The following TTLL5 variants were observed in gnomAD, a reference collection of about 807,000 sequenced individuals.
The protein encoded by TTLL5 is tubulin polyglutamylase TTLL5.
In TTLL5, 132 loss-of-function variants were observed where a neutral mutation model predicts 168.4. The ratio of observed to expected loss-of-function variants is 0.78; its 90% CI spans 0.68 to 0.91. The LOEUF (loss-of-function observed/expected upper bound fraction) is 0.91, where lower values mean the gene tolerates loss of function less well. TTLL5 is among the 40% of genes least tolerant of loss of function. The pLI, the probability that TTLL5 is intolerant of heterozygous loss-of-function variation, is 0.00. For synonymous variants in TTLL5, 546 were observed against 558.6 expected, an observed-to-expected ratio of 0.98 and a Z score of 0.32; for missense variants, 1,545 against 1,581.5, an observed-to-expected ratio of 0.98 and a Z score of 0.39.
chr14:75,754,570 A>G (rs1471085688), intron 18 of TTLL5, among the ~76,000 whole-genome samples: 1 of 152,218 alleles, frequency 6.6e-6, no homozygotes, highest in African/African-American at 2.4e-5. Context: ...GGACCACTGC[A>G]TTAGCCAAAA....
At chr14:75,829,380 T>C (rs1046382012) in intron 28 of TTLL5, among the ~76,000 whole-genome samples, 1 of 152,208 alleles carries the variant, frequency 6.6e-6, no homozygotes, top group Non-Finnish European at 1.5e-5. Context: ...ACATATGGTA[T>C]ATAATGTATG....
At chr14:75,859,828 G>A (rs981264135) in intron 28 of TTLL5, among the ~76,000 whole-genome samples, 5 of 152,178 alleles carry the variant, frequency 3.3e-5, no homozygotes, top group Non-Finnish European at 5.9e-5. Flanking sequence ...CCTGGCCTCC[G>A]CTGTGTCAAT....
At chr14:75,686,693 A>G (rs1885083066) in intron 5 of TTLL5, among the ~76,000 whole-genome samples, 1 of 152,156 alleles carries the variant, frequency 6.6e-6, no homozygotes. Context: ...TTTACATTCT[A>G]CTTAGAATTA....
intron 31 of TTLL5, among the ~76,000 whole-genome samples, chr14:75,907,124 A>C (rs2033177788): frequency 6.6e-6 from 1 of 152,230 alleles, no homozygotes; most frequent in South Asian, 2.1e-4. Flanking sequence ...CTTTCAGATT[A>C]TGGGAGGCAG....
chr14:75,662,165 A>T (rs1055247916), intron 1 of TTLL5, among the ~76,000 whole-genome samples: 1 of 152,186 alleles, frequency 6.6e-6, no homozygotes, highest in Admixed American at 6.5e-5. Flanking sequence ...TTAAGAGTGG[A>T]AGGGCATTCC....
intron 5 of TTLL5, 118 bp downstream of exon 5, chr14:75,683,774 G>GA (rs1884807746): frequency 1.4e-5 from 9 of 658,242 alleles, no homozygotes; most frequent in Non-Finnish European, 2.2e-5. Context: ...GAAGAAGAAG[G>GA]ACTTTTTTTT....
chr14:75,705,223 A>T (rs747182938), intron 7 of TTLL5, among the ~76,000 whole-genome samples: 1 of 152,216 alleles, frequency 6.6e-6, no homozygotes, highest in Non-Finnish European at 1.5e-5. Flanking sequence ...TGTTCCTATG[A>T]TGCGTAGAGA....
At chr14:75,892,925 A>G (rs1019823688) in intron 30 of TTLL5, among the ~76,000 whole-genome samples, 2 of 152,136 alleles carry the variant, frequency 1.3e-5, no homozygotes, top group South Asian at 4.1e-4. Flanking sequence ...GAAGGCAACT[A>G]TATAATCTTC....
At chr14:75,778,895 A>G (rs1030217352) in intron 23 of TTLL5, among the ~76,000 whole-genome samples, 2 of 152,228 alleles carry the variant, frequency 1.3e-5, no homozygotes, top group Admixed American at 1.3e-4. Flanking sequence ...CGTGCATTAT[A>G]TAGATGGTTA....
At chr14:75,907,475 C>G (rs991640765) in intron 31 of TTLL5, among the ~76,000 whole-genome samples, 2 of 152,218 alleles carry the variant, frequency 1.3e-5, no homozygotes, top group African/African-American at 4.8e-5. Context: ...GAGGCTAATA[C>G]TCTTCTTACC....
chr14:75,776,849 A>C lies in TTLL5; in HGVS notation c.2386A>C (p.Ser796Arg), dbSNP rs773483525. 6.2e-7 allele frequency: 1 copy of C among 1,609,832 alleles called. No individual in the cohort carries two copies. Among genetic ancestry groups the C allele is most frequent in the South Asian group, 1.1e-5 (1 of 90,902 alleles). ...ENFQEFIRQASEAELEEVLTF... is the reference protein window; with the variant it reads ...ENFQEFIRQAREAELEEVLTF... The stretch of plus-strand genomic sequence containing the variant: ...CTTTCAGGAGTTCATCAGACAAGCA[A>C]GGTAGTAGACATTCTTGATTGATAA... Residue 796 changes from serine (S) to arginine (R), a missense_variant and splice_region_variant, in exon 23 of 32, where the codon AGT becomes CGT. By Grantham distance (110) the Ser-to-Arg change is moderately radical (BLOSUM62 -1). Transcript: ENST00000298832.
chr14:75,680,509 A>G (rs1166018493), intron 3 of TTLL5, among the ~76,000 whole-genome samples: 1 of 151,832 alleles, frequency 6.6e-6, no homozygotes, highest in Non-Finnish European at 1.5e-5. Flanking sequence ...CAAACCAACC[A>G]TGTCTGCAGG....
intron 31 of TTLL5, among the ~76,000 whole-genome samples, chr14:75,938,390 T>C (rs1320321735): frequency 2.0e-5 from 3 of 152,176 alleles, no homozygotes; most frequent in Non-Finnish European, 4.4e-5. Context: ...GGGGAGCCCA[T>C]GGAGGCAGCC....
At chr14:75,802,565 T>C (rs977578676) in intron 27 of TTLL5, among the ~76,000 whole-genome samples, 1 of 152,248 alleles carries the variant, frequency 6.6e-6, no homozygotes, top group African/African-American at 2.4e-5. Context: ...CCTGCAAAAC[T>C]TTTTATTTCA....
intron 29 of TTLL5, among the ~76,000 whole-genome samples, chr14:75,875,220 A>G (rs1595189228): frequency 6.8e-6 from 1 of 146,116 alleles, no homozygotes; most frequent in Non-Finnish European, 1.5e-5. Context: ...GGCGTGAGCC[A>G]CTGCGCGCGG....
At chr14:75,662,500 A>T (rs1008431874) in intron 1 of TTLL5, among the ~76,000 whole-genome samples, 119 of 133,424 alleles carry the variant, frequency 8.9e-4, no homozygotes, top group Middle Eastern at 3.9e-3. Context: ...AATTTTTTGT[A>T]TTTTTTTTTT....
chr14:75,759,578 A>C (rs1399748351), intron 18 of TTLL5, among the ~76,000 whole-genome samples: 2 of 152,050 alleles, frequency 1.3e-5, no homozygotes, highest in African/African-American at 4.8e-5. Context: ...ATTAAAATAG[A>C]AGAAGAAGAG....
chr14:75,866,754 G>A (rs1566637095), intron 29 of TTLL5, among the ~76,000 whole-genome samples: 1 of 152,116 alleles, frequency 6.6e-6, no homozygotes, highest in Non-Finnish European at 1.5e-5. Context: ...AGTATTCATG[G>A]GGAATGAGCT....
intron 28 of TTLL5, among the ~76,000 whole-genome samples, chr14:75,821,003 C>T (rs112312684): frequency 5.3e-5 from 8 of 152,170 alleles, no homozygotes; most frequent in Non-Finnish European, 7.3e-5. Context: ...CAAGCCCTCA[C>T]GCCCCATGCC....
Sources: allele counts gnomAD v4.1 joint callset (sites outside exome capture counted in the v4.1 genomes callset), GRCh38; gene constraint gnomAD v4.1.1; transcripts MANE v1.5; gene names NCBI Gene and HGNC (gene_info 2026-07-23, HGNC 2026-07-21).